The following MCU variants were observed in gnomAD, a reference collection of about 807,000 sequenced individuals.
The protein encoded by MCU is mitochondrial calcium uniporter.
A neutral mutation model predicts 45.2 loss-of-function variants in MCU; 12 were observed. The ratio of observed to expected loss-of-function variants is 0.27; its 90% CI spans 0.17 to 0.43. MCU has a LOEUF of 0.43. Among genes scored for constraint, MCU ranks in the 20% least tolerant of loss-of-function variants. The pLI is 1.00. For synonymous variants in MCU, 160 were observed against 165.1 expected (o/e 0.97, Z 0.24); for missense variants, 324 against 436.7 (o/e 0.74, Z 2.30).
intron 1 of MCU, among the ~76,000 whole-genome samples, chr10:72,737,581 G>A (rs1843268669): frequency 6.6e-6 from 1 of 150,518 alleles, no homozygotes; most frequent in African/African-American, 2.5e-5. Context: ...TTGACATGGT[G>A]CGATCTCAGC....
rs922285932 is a variant in MCU, at chr10:72,826,814, C to A, written c.151-7545C>A. 5.3e-5 allele frequency among the ~76,000 whole-genome samples: 8 copies of A among 152,182 alleles called. No individual in the cohort carries two copies. In the East Asian group the frequency reaches 7.7e-4, roughly 15 times the overall value. On this transcript the variant is annotated intron_variant, in intron 1 of 7. Coordinates refer to ENST00000373053, the MANE Select transcript of MCU (RefSeq NM_138357.3). ...AATTAAGTTTTAAATGGTGCACTGTCCTGAGTAGTATGGTGAGATCTCACA... is the reference window on the plus strand; with the variant it reads ...AATTAAGTTTTAAATGGTGCACTGTACTGAGTAGTATGGTGAGATCTCACA...
rs1455364086 is a variant in MCU at position 72,884,128 on chromosome 10, C to A, written c.862-138C>A. The A allele has an allele frequency of 4.9e-6, 3 of 610,496 alleles. No individual in the cohort carries two copies. In the East Asian group the frequency reaches 8.0e-5, roughly 16 times the overall value. The allele number at this position is 610,496 out of a possible 1,614,324, so 37.8% of individuals were successfully genotyped here. A position where few individuals can be genotyped will look rare whatever the true frequency, so the allele number is the denominator to read the frequency against. On this transcript the variant is annotated intron_variant, in intron 6 of 7. Coordinates refer to ENST00000373053, the MANE Select transcript of MCU (RefSeq NM_138357.3). ...CTGTATGTTTCACAGTAGAAATGTTCAGGTGGTGATTAAATACTTAACACA... is the reference window on the plus strand; with the variant it reads ...CTGTATGTTTCACAGTAGAAATGTTAAGGTGGTGATTAAATACTTAACACA...
intron 1 of MCU, among the ~76,000 whole-genome samples, chr10:72,786,878 T>C (rs1844079654): frequency 6.6e-6 from 1 of 152,224 alleles, no homozygotes; most frequent in African/African-American, 2.4e-5. Flanking sequence ...GTATTTAGGT[T>C]ATTTCCCATA....
At chr10:72,726,478 T>C (rs1364415654) in intron 1 of MCU, among the ~76,000 whole-genome samples, 2 of 152,146 alleles carry the variant, frequency 1.3e-5, no homozygotes, top group Non-Finnish European at 2.9e-5. Context: ...TCAGCTGATA[T>C]TTTACTGGTG....
chr10:72,801,697 G>A (rs1342564921), intron 1 of MCU, among the ~76,000 whole-genome samples: 2 of 144,848 alleles, frequency 1.4e-5, no homozygotes, highest in African/African-American at 2.6e-5. Context: ...TTTAATACGC[G>A]GTCTCATTCT....
intron 1 of MCU, among the ~76,000 whole-genome samples, chr10:72,792,189 T>C (rs1277783630): frequency 1.3e-5 from 2 of 152,222 alleles, no homozygotes; most frequent in Non-Finnish European, 2.9e-5. Context: ...AAATCCTTAC[T>C]TCCTTGGTAG....
intron 1 of MCU, among the ~76,000 whole-genome samples, chr10:72,807,297 A>T (rs1310117082): frequency 6.6e-6 from 1 of 152,074 alleles, no homozygotes; most frequent in African/African-American, 2.4e-5. Context: ...GAGAATTTTG[A>T]GGAGTATATT....
At position 72,717,127 on chromosome 10, in the gene MCU, CTT is replaced by C. The variant is rs71021527; in HGVS notation, c.150+24840_150+24841del. ...GTCTATTTCCTTTCTCTCTCTCTCT[CTT>C]TTTTTTTTTTTTTGCCCCTGAAGTA... On this transcript the variant is annotated intron_variant, in intron 1 of 7. Coordinates refer to ENST00000373053, the MANE Select transcript of MCU (RefSeq NM_138357.3). Among the ~76,000 whole-genome samples, 320 of 138,332 alleles carry C rather than the reference CTT, an allele frequency of 2.3e-3. 1 individual carries two copies. The highest frequency in any genetic ancestry group is 3.8e-3 in the African/African-American group (143 of 37,278). 90.8% of individuals were successfully genotyped at this position (138,332 alleles called of 152,430 possible).
intron 5 of MCU, 103 bp downstream of exon 5, chr10:72,868,966 A>G (rs921478310): frequency 7.4e-6 from 9 of 1,223,352 alleles, no homozygotes; most frequent in Admixed American, 2.6e-5. Flanking sequence ...AGTCATGTCA[A>G]TCAAGTTAGT....
intron 1 of MCU, among the ~76,000 whole-genome samples, chr10:72,829,841 C>CA (rs1208612817): frequency 1.3e-5 from 2 of 151,992 alleles, no homozygotes. Flanking sequence ...AAGGCAAGAG[C>CA]AAAATAATTT....
chr10:72,797,534 C>CTTTT (rs11411848), intron 1 of MCU, among the ~76,000 whole-genome samples: 1 of 115,702 alleles, frequency 8.6e-6, no homozygotes, highest in Non-Finnish European at 1.7e-5. Flanking sequence ...CCATAATATA[C>CTTTT]TTTTTTTTTT....
intron 1 of MCU, among the ~76,000 whole-genome samples, chr10:72,765,520 A>G (rs906953826): frequency 1.3e-5 from 2 of 152,116 alleles, no homozygotes; most frequent in African/African-American, 4.8e-5. Flanking sequence ...AAGTCTGGGC[A>G]TGGTGACTCA....
intron 6 of MCU, among the ~76,000 whole-genome samples, chr10:72,884,038 C>G (rs769174280): frequency 6.6e-6 from 1 of 152,050 alleles, no homozygotes; most frequent in Non-Finnish European, 1.5e-5. Flanking sequence ...TTTATAAAAC[C>G]TGGTGATGAG....
chr10:72,721,223 C>A (rs1196359353), intron 1 of MCU: 5 of 154,126 alleles, frequency 3.2e-5, no homozygotes. Context: ...CAGAAGGAGA[C>A]TTATTCAGTA....
chr10:72,835,177 G>A (rs1006046995), intron 2 of MCU, among the ~76,000 whole-genome samples: 1 of 152,134 alleles, frequency 6.6e-6, no homozygotes, highest in Non-Finnish European at 1.5e-5. Flanking sequence ...TCTTTGATGT[G>A]GGAAGGGATA....
intron 1 of MCU, among the ~76,000 whole-genome samples, chr10:72,777,999 ATGTTT>A (rs942072984): frequency 1.3e-5 from 2 of 152,214 alleles, no homozygotes; most frequent in African/African-American, 4.8e-5. Flanking sequence ...CCCAGTTAAA[ATGTTT>A]TGTATTAAAA....
chr10:72,698,995 A>C (rs572349566), intron 1 of MCU, among the ~76,000 whole-genome samples: 47 of 152,118 alleles, frequency 3.1e-4, no homozygotes, highest in African/African-American at 1.1e-3. Flanking sequence ...GTAGAGATGA[A>C]GTCTCACTAT....
intron 1 of MCU, among the ~76,000 whole-genome samples, chr10:72,730,001 C>G (rs1026776192): frequency 7.3e-6 from 1 of 137,232 alleles, no homozygotes; most frequent in Non-Finnish European, 1.5e-5. Context: ...CTGTGTCATC[C>G]AGGCTGGAGT....
chr10:72,693,617 GTTA>G (rs1842652427), intron 1 of MCU, among the ~76,000 whole-genome samples: 1 of 152,176 alleles, frequency 6.6e-6, no homozygotes, highest in South Asian at 2.1e-4. Flanking sequence ...AGGTTGTATT[GTTA>G]TTATTAGTCA....
Sources: gnomAD v4.1 joint callset for allele counts (sites outside exome capture counted in the v4.1 genomes callset) on GRCh38, gnomAD v4.1.1 for gene constraint, MANE v1.5 for transcripts, NCBI Gene and HGNC (gene_info 2026-07-23, HGNC 2026-07-21) for gene names.